The following CDH13 variants were observed in gnomAD, a reference collection of about 807,000 sequenced individuals.
CDH13 encodes the protein cadherin-13.
Under a neutral mutation model 63.8 loss-of-function variants are expected in CDH13, and 24 were observed. That is an observed-to-expected ratio of 0.38 (90% CI 0.27 to 0.53). The LOEUF (loss-of-function observed/expected upper bound fraction) is 0.53, where lower values mean the gene tolerates loss of function less well. Among genes scored for constraint, CDH13 ranks in the 20% least tolerant of loss-of-function variants. CDH13 has a pLI of 0.85. For missense variants in CDH13, 1,049 were observed against 903.1 expected, an observed-to-expected ratio of 1.16 and a Z score of -2.07; for synonymous variants, 503 against 355.3, an observed-to-expected ratio of 1.42 and a Z score of -4.67.
chr16:83,217,235 C>T (rs2039563217), intron 4 of CDH13, 110 bp from the exon 5 acceptor site: 2 of 1,015,500 alleles, frequency 2.0e-6, no homozygotes, highest in South Asian at 1.4e-5. Context: ...TCACCAGGTA[C>T]CCATGTGCTG....
intron 6 of CDH13, among the ~76,000 whole-genome samples, chr16:83,472,257 T>C (rs1459089162): frequency 6.6e-6 from 1 of 152,206 alleles, no homozygotes; most frequent in Non-Finnish European, 1.5e-5. Context: ...CTGTCTCCTG[T>C]GGGCATGCTG....
intron 2 of CDH13, among the ~76,000 whole-genome samples, chr16:82,977,375 T>A (rs1909661670): frequency 6.6e-6 from 1 of 152,158 alleles, no homozygotes; most frequent in South Asian, 2.1e-4. Context: ...ACTGATATGG[T>A]TTGGCTGTGT....
intron 3 of CDH13, among the ~76,000 whole-genome samples, chr16:83,042,447 A>C (rs1917408545): frequency 6.6e-6 from 1 of 152,214 alleles, no homozygotes; most frequent in Admixed American, 6.5e-5. Flanking sequence ...CATCACCCCG[A>C]GACAGGACCA....
chr16:83,585,391 A>G (rs1476397390), intron 7 of CDH13, among the ~76,000 whole-genome samples: 2 of 151,998 alleles, frequency 1.3e-5, no homozygotes, highest in Non-Finnish European at 2.9e-5. Context: ...AATCAGTGAT[A>G]CTCTGTTCAG....
At chr16:82,976,045 C>G (rs1909458786) in intron 2 of CDH13, among the ~76,000 whole-genome samples, 1 of 152,170 alleles carries the variant, frequency 6.6e-6, no homozygotes. Flanking sequence ...ATGAAAGCCC[C>G]TGGTCAGAAG....
At chr16:83,716,266 C>G (rs1908880799) in intron 10 of CDH13, among the ~76,000 whole-genome samples, 1 of 152,116 alleles carries the variant, frequency 6.6e-6, no homozygotes, top group Admixed American at 6.5e-5. Flanking sequence ...CCTACCTTGA[C>G]ACGTCATGAT....
intron 6 of CDH13, among the ~76,000 whole-genome samples, chr16:83,442,026 T>A (rs1419037668): frequency 6.6e-6 from 1 of 152,150 alleles, no homozygotes; most frequent in Non-Finnish European, 1.5e-5. Context: ...GGGAGCGAGA[T>A]GACAGAGTCT....
chr16:82,779,476 A>G (rs560971697), intron 1 of CDH13, among the ~76,000 whole-genome samples: 1 of 152,210 alleles, frequency 6.6e-6, no homozygotes, highest in Non-Finnish European at 1.5e-5. Flanking sequence ...CCTTGGGACA[A>G]GAGAAATCTG....
At chr16:83,421,016 C>A (rs2151470406) in intron 6 of CDH13, among the ~76,000 whole-genome samples, 1 of 152,252 alleles carries the variant, frequency 6.6e-6, no homozygotes, top group South Asian at 2.1e-4. Context: ...TGGTGTCCAC[C>A]CACAATGAGG....
At chr16:83,646,302 G>T (rs542034695) in intron 8 of CDH13, among the ~76,000 whole-genome samples, 2 of 152,190 alleles carry the variant, frequency 1.3e-5, no homozygotes, top group South Asian at 2.1e-4. Flanking sequence ...TAGCGTACCC[G>T]GGTCATGACA....
At chr16:83,463,381 G>A (rs1024707176) in intron 6 of CDH13, among the ~76,000 whole-genome samples, 2 of 152,162 alleles carry the variant, frequency 1.3e-5, no homozygotes, top group African/African-American at 4.8e-5. Context: ...TGGGGGCTCG[G>A]CTCCATGTCA....
At chr16:83,095,601 T>A (rs1486820084) in intron 3 of CDH13, among the ~76,000 whole-genome samples, 1 of 152,156 alleles carries the variant, frequency 6.6e-6, no homozygotes, top group Admixed American at 6.6e-5. Flanking sequence ...TGTATTTGGG[T>A]ACAGAACACC....
intron 1 of CDH13, among the ~76,000 whole-genome samples, chr16:82,767,073 G>C (rs919831647): frequency 2.6e-5 from 4 of 152,132 alleles, no homozygotes; most frequent in African/African-American, 4.8e-5. Context: ...ATAAATTGTA[G>C]ATATGCTCTC....
intron 2 of CDH13, among the ~76,000 whole-genome samples, chr16:82,926,657 G>C (rs959030608): frequency 6.6e-6 from 1 of 152,184 alleles, no homozygotes; most frequent in Non-Finnish European, 1.5e-5. Flanking sequence ...AAGCTTTCGA[G>C]AAGACAGATA....
At chr16:83,481,738 G>C (rs116828334) in intron 6 of CDH13, among the ~76,000 whole-genome samples, 4 of 152,278 alleles carry the variant, frequency 2.6e-5, no homozygotes, top group African/African-American at 9.6e-5. Flanking sequence ...GAGTGACAGG[G>C]TGATTATAAT....
intron 9 of CDH13, among the ~76,000 whole-genome samples, chr16:83,677,618 G>A (rs1236281585): frequency 1.3e-5 from 2 of 152,136 alleles, no homozygotes; most frequent in Non-Finnish European, 2.9e-5. Context: ...TACTTGAAGG[G>A]ACATAGAGAC....
intron 1 of CDH13, among the ~76,000 whole-genome samples, chr16:82,789,020 G>T (rs192854220): frequency 6.6e-6 from 1 of 152,184 alleles, no homozygotes; most frequent in South Asian, 2.1e-4. Context: ...TCACCTCTGG[G>T]TTGCAAAGGA....
chr16:82,804,566 A>G (rs1046097329), intron 1 of CDH13, among the ~76,000 whole-genome samples: 1 of 152,200 alleles, frequency 6.6e-6, no homozygotes, highest in Non-Finnish European at 1.5e-5. Context: ...TTGTGTGAAC[A>G]TCTTCCTCAT....
intron 11 of CDH13, among the ~76,000 whole-genome samples, chr16:83,755,834 C>G (rs1310243173): frequency 6.7e-6 from 1 of 149,980 alleles, no homozygotes; most frequent in East Asian, 1.9e-4. Flanking sequence ...GAAAATGATG[C>G]CAGAGAGGCA....
Sources: gnomAD v4.1 joint callset for allele counts (sites outside exome capture counted in the v4.1 genomes callset) on GRCh38, gnomAD v4.1.1 for gene constraint, MANE v1.5 for transcripts, NCBI Gene and HGNC (gene_info 2026-07-23, HGNC 2026-07-21) for gene names.